CAMK2B: variants seen among roughly 807,000 people sequenced by gnomAD.
CAMK2B encodes calcium/calmodulin dependent protein kinase II beta.
A neutral mutation model predicts 93.7 loss-of-function variants in CAMK2B; 27 were observed. The observed-to-expected ratio is 0.29, with a 90% CI of 0.21 to 0.40. The LOEUF (loss-of-function observed/expected upper bound fraction) is 0.40, where lower values mean the gene tolerates loss of function less well. CAMK2B is among the 10% of genes least tolerant of loss of function. The probability of loss-of-function intolerance (pLI) is 1.00; values close to 1 mark genes in which losing one functional copy is unlikely to be tolerated. For synonymous variants in CAMK2B, 374 were observed against 358.8 expected (o/e 1.04, Z -0.48); for missense variants, 568 against 895.8 (o/e 0.63, Z 4.67).
At chr7:44,315,729 T>C (rs968806572) in intron 1 of CAMK2B, among the ~76,000 whole-genome samples, 1 of 152,242 alleles carries the variant, frequency 6.6e-6, no homozygotes, top group African/African-American at 2.4e-5. Flanking sequence ...TTAGGTCTTC[T>C]TTAATTTCTC....
intron 1 of CAMK2B, among the ~76,000 whole-genome samples, chr7:44,304,182 T>C (rs1790828680): frequency 6.6e-6 from 1 of 152,200 alleles, no homozygotes; most frequent in Non-Finnish European, 1.5e-5. Context: ...GAAGAGAGTA[T>C]GGTAGTTTCT....
chr7:44,239,749 C>G, intron 12 of CAMK2B, 86 bp from the exon 13 acceptor site: 1 of 917,926 alleles, frequency 1.1e-6, no homozygotes, highest in Non-Finnish European at 1.7e-6. Flanking sequence ...AGAAAAGAGA[C>G]AAAGGAAGCA....
At chr7:44,281,345 GCCAGGAGGA>G (rs2097100857) in intron 2 of CAMK2B, among the ~76,000 whole-genome samples, 2 of 152,198 alleles carry the variant, frequency 1.3e-5, no homozygotes, top group South Asian at 4.1e-4. Flanking sequence ...GCTCCCTGGG[GCCAGGAGGA>G]CAGCAGGCTG....
chr7:44,273,928 A>G lies in CAMK2B; in HGVS notation c.160+10203T>C, dbSNP rs143038840. 3.3e-3 allele frequency among the ~76,000 whole-genome samples: 475 copies of G among 143,418 alleles called. 1 individual carries two copies. Among genetic ancestry groups the G allele is most frequent in the African/African-American group, 0.011 (430 of 40,622 alleles). The allele number at this position is 143,418 out of a possible 152,430, so 94.1% of individuals were successfully genotyped here. A position where few individuals can be genotyped will look rare whatever the true frequency, so the allele number is the denominator to read the frequency against. ...AGGCCAGGGAGCACAGTCCGGGGCA[A>G]GCACTGCCACATTTTTTAAGGTATT... On this transcript the variant is annotated intron_variant, in intron 2 of 23. Coordinates refer to ENST00000395749, the MANE Select transcript of CAMK2B (RefSeq NM_001220.5).
At chr7:44,261,454 G>T (rs1226357925) in intron 3 of CAMK2B, among the ~76,000 whole-genome samples, 1 of 152,216 alleles carries the variant, frequency 6.6e-6, no homozygotes, top group Non-Finnish European at 1.5e-5. Flanking sequence ...TGATCTCATG[G>T]TGGGGGCTGC....
At chr7:44,281,178 G>A (rs748467128) in intron 2 of CAMK2B, among the ~76,000 whole-genome samples, 3 of 152,380 alleles carry the variant, frequency 2.0e-5, no homozygotes, top group South Asian at 4.1e-4. Flanking sequence ...CAGGGTGGCC[G>A]TGGGACCTGA....
intron 1 of CAMK2B, among the ~76,000 whole-genome samples, chr7:44,319,046 T>A (rs1795443514): frequency 6.6e-6 from 1 of 152,226 alleles, no homozygotes; most frequent in Admixed American, 6.5e-5. Flanking sequence ...CTGTGTAATA[T>A]GCCAATATGA....
At chr7:44,318,287 G>A (rs764101276) in intron 1 of CAMK2B, among the ~76,000 whole-genome samples, 16 of 152,162 alleles carry the variant, frequency 1.1e-4, no homozygotes, top group Non-Finnish European at 1.0e-4. Flanking sequence ...GCATTTCACC[G>A]GGTGACAAGA....
intron 5 of CAMK2B, among the ~76,000 whole-genome samples, chr7:44,252,122 C>T (rs960328575): frequency 1.6e-4 from 25 of 152,078 alleles, no homozygotes; most frequent in African/African-American, 2.7e-4. Context: ...GTCAAGGCCG[C>T]GCCTGTGGAT....
Position 44,225,032 on chromosome 7 carries a change from C to T in CAMK2B, c.1597+1484G>A, listed in dbSNP as rs2096458465. On this transcript the variant is annotated intron_variant, in intron 20 of 23. Transcript: ENST00000395749. The surrounding 1 kb of genome is among the most constrained non-coding windows in gnomAD (Gnocchi z 5.0). The stretch of plus-strand genomic sequence containing the variant: ...TGCTCACAGCTCCTTCCTGCAGCCC[C>T]CTCCTCCCCAGCCAAGCTCAGGGAA... 6.6e-6 allele frequency among the ~76,000 whole-genome samples: 1 copy of T among 152,134 alleles called. No individual in the cohort carries two copies. Among genetic ancestry groups the T allele is most frequent in the Non-Finnish European group, 1.5e-5 (1 of 68,002 alleles).
chr7:44,274,506 C>T (rs2097012654), intron 2 of CAMK2B, among the ~76,000 whole-genome samples: 1 of 152,254 alleles, frequency 6.6e-6, no homozygotes, highest in African/African-American at 2.4e-5. Context: ...ACCTTTCGGG[C>T]TTCCCCGCTC....
intron 1 of CAMK2B, among the ~76,000 whole-genome samples, chr7:44,308,022 T>C (rs1243562826): frequency 6.6e-6 from 1 of 152,044 alleles, no homozygotes; most frequent in East Asian, 1.9e-4. Flanking sequence ...TTTTGACCTA[T>C]AGGAGCTCTT....
At chr7:44,294,988 A>G (rs1403448728) in intron 1 of CAMK2B, among the ~76,000 whole-genome samples, 1 of 152,202 alleles carries the variant, frequency 6.6e-6, no homozygotes, top group Non-Finnish European at 1.5e-5. Flanking sequence ...AAGGCCCACA[A>G]TTCTGGACTC....
chr7:44,307,772 C>T (rs909870249), intron 1 of CAMK2B, among the ~76,000 whole-genome samples: 1 of 152,140 alleles, frequency 6.6e-6, no homozygotes, highest in African/African-American at 2.4e-5. Flanking sequence ...AGAGCTGACC[C>T]TTGTTGAATT....
chr7:44,226,196 C>A (rs1186084383), intron 20 of CAMK2B, among the ~76,000 whole-genome samples: 1 of 152,160 alleles, frequency 6.6e-6, no homozygotes, highest in Non-Finnish European at 1.5e-5. Flanking sequence ...ACGCGCAGAC[C>A]CTTTGCCACC....
intron 2 of CAMK2B, among the ~76,000 whole-genome samples, chr7:44,276,467 A>ACAAAGG (rs2097044170): frequency 6.6e-6 from 1 of 152,104 alleles, no homozygotes; most frequent in African/African-American, 2.4e-5. Flanking sequence ...CCAGGCAGGC[A>ACAAAGG]GGCTTCTGGC....
chr7:44,249,864 G>A (rs2096763857), intron 5 of CAMK2B, among the ~76,000 whole-genome samples: 1 of 152,106 alleles, frequency 6.6e-6, no homozygotes, highest in Admixed American at 6.5e-5. Context: ...TGACTCCACA[G>A]TTGGCTCGCC....
At chr7:44,254,650 T>A (rs1562921120) in intron 4 of CAMK2B, 43 bp from the exon 5 acceptor site, 2 of 1,381,526 alleles carry the variant, frequency 1.4e-6, no homozygotes, top group Non-Finnish European at 2.1e-6. Context: ...TGGAGACCCC[T>A]GTCACACTGC....
rs1040754336 is a variant in CAMK2B, at chr7:44,217,521, G to C, written c.*2004C>G. The C allele has an allele frequency of 6.6e-6, 1 of 152,416 alleles. No individual in the cohort carries two copies. The highest frequency in any genetic ancestry group is 1.5e-5 in the Non-Finnish European group (1 of 68,190). 9.4% of individuals were successfully genotyped at this position (152,416 alleles called of 1,614,324 possible). A position where few individuals can be genotyped will look rare whatever the true frequency, so the allele number is the denominator to read the frequency against. ...CCAGGGTGGCCGGCTGCTGGGCCAC[G>C]TGCTGTCCGTGGTGAGCCCTGCCGC... On this transcript the variant is annotated 3_prime_UTR_variant, in exon 24 of 24. Transcript: ENST00000395749.
Sources: gnomAD v4.1 joint callset for allele counts (sites outside exome capture counted in the v4.1 genomes callset) on GRCh38, gnomAD v4.1.1 for gene constraint, Gnocchi (gnomAD v3.1) non-coding constraint, MANE v1.5 for transcripts, NCBI Gene and HGNC (gene_info 2026-07-23, HGNC 2026-07-21) for gene names.